Variants in ADNP observed in about 807,000 individuals in gnomAD.
ADNP encodes activity-dependent neuroprotector homeobox protein.
In ADNP, 4 loss-of-function variants were observed where a neutral mutation model predicts 84.9. The ratio of observed to expected loss-of-function variants is 0.05; its 90% CI spans 0.02 to 0.11. The LOEUF (loss-of-function observed/expected upper bound fraction) is 0.11. ADNP is among the 10% of genes least tolerant of loss of function. ADNP has a pLI of 1.00. For synonymous variants in ADNP, 554 were observed against 468.1 expected, an observed-to-expected ratio of 1.18 and a Z score of -2.37; for missense variants, 1,132 against 1,326.0, an observed-to-expected ratio of 0.85 and a Z score of 2.27.
At chr20:50,917,107 C>A (rs1372171137) in intron 2 of ADNP, among the ~76,000 whole-genome samples, 1 of 152,194 alleles carries the variant, frequency 6.6e-6, no homozygotes, top group Non-Finnish European at 1.5e-5. Context: ...ACCCTCCAGA[C>A]CTGAGATGCA....
intron 5 of ADNP, 72 bp from the exon 6 acceptor site, chr20:50,894,584 CG>C: frequency 6.8e-7 from 1 of 1,473,794 alleles, no homozygotes; most frequent in Non-Finnish European, 9.1e-7. Flanking sequence ...AGATCCCCCC[CG>C]GATATTCTTA....
intron 5 of ADNP, among the ~76,000 whole-genome samples, chr20:50,897,837 T>A (rs995700096): frequency 6.6e-6 from 1 of 152,210 alleles, no homozygotes; most frequent in Non-Finnish European, 1.5e-5. Flanking sequence ...ATTCTCTCAA[T>A]ACTACTTCTC....
rs1409313764 is a variant in ADNP, at chr20:50,920,368, G to A, written c.-90+8283C>T. ...GGCCAAGGCAGACAGATCACTTGAG[G>A]TCAGGAGTTTGAGACAAGCCTGACC... On this transcript the variant is annotated intron_variant, in intron 2 of 5. Transcript: ENST00000621696. 2.0e-5 allele frequency among the ~76,000 whole-genome samples: 3 copies of A among 151,484 alleles called. No homozygotes were observed. The East Asian group carries it at 5.8e-4, about 29-fold the overall frequency.
intron 5 of ADNP, among the ~76,000 whole-genome samples, chr20:50,894,987 A>AT (rs1347224612): frequency 6.6e-6 from 1 of 152,202 alleles, no homozygotes; most frequent in East Asian, 1.9e-4. Context: ...TAAACCAAAT[A>AT]TTTTTGTCAG....
In ADNP at chr20:50,892,122, T is replaced by C; in HGVS notation, c.2592A>G (p.Lys864=). ...SRVNASKTAD[K]KLNLGKEDDS... ...CATCTTCCTTCCCAAGGTTGAGCTT[T>C]TTGTCAGCAGTCTTACTAGCATTGA... The change falls in exon 6 of 6, where the codon AAA becomes AAG. Residue 864 remains lysine, a synonymous_variant. Transcript: ENST00000621696. 6.2e-7 allele frequency: 1 copy of C among 1,614,180 alleles called. No individual in the cohort carries two copies. The highest frequency in any genetic ancestry group is 8.5e-7 in the Non-Finnish European group (1 of 1,180,034).
chr20:50,919,942 G>T (rs562128007), intron 2 of ADNP, among the ~76,000 whole-genome samples: 3 of 152,226 alleles, frequency 2.0e-5, no homozygotes, highest in South Asian at 4.2e-4. Context: ...GATGCTGCAG[G>T]TAACGAAGTA....
chr20:50,892,601 G>T lies in ADNP; in HGVS notation c.2113C>A (p.Arg705=). 1 of 1,614,230 alleles carries T rather than the reference G, an allele frequency of 6.2e-7. No individual in the cohort carries two copies. The highest frequency in any genetic ancestry group is 8.5e-7 in the Non-Finnish European group (1 of 1,180,048). Reference sequence around the variant, plus strand: ...GCCAGACTTGGAGACTGATTAAGCCGAGAGGGTGCATTTGTCTTATCCTGG... The same window carrying T: ...GCCAGACTTGGAGACTGATTAAGCCTAGAGGGTGCATTTGTCTTATCCTGG... ...NGQDKTNAPS[R]LNQSPSLAPV... The change falls in exon 6 of 6, where the codon CGG becomes AGG. Residue 705 remains arginine, a synonymous_variant. Transcript: ENST00000621696.
At chr20:50,908,299 C>G (rs1982692952) in intron 2 of ADNP, among the ~76,000 whole-genome samples, 1 of 152,152 alleles carries the variant, frequency 6.6e-6, no homozygotes, top group Non-Finnish European at 1.5e-5. Flanking sequence ...GTTACCCTTT[C>G]TTGTGAGTGT....
intron 2 of ADNP, among the ~76,000 whole-genome samples, chr20:50,915,822 TAAGA>T (rs1475856412): frequency 7.2e-5 from 11 of 152,158 alleles, no homozygotes; most frequent in Non-Finnish European, 1.2e-4. Flanking sequence ...ACCAGGAAGA[TAAGA>T]AAGAAAACTA....
chr20:50,897,044 C>A (rs1288144288), intron 5 of ADNP, among the ~76,000 whole-genome samples: 10 of 152,176 alleles, frequency 6.6e-5, no homozygotes, highest in African/African-American at 2.2e-4. Context: ...CGGGTTCAAG[C>A]GATTCTCCTG....
intron 2 of ADNP, among the ~76,000 whole-genome samples, chr20:50,919,542 A>T (rs1020924051): frequency 2.0e-5 from 3 of 152,128 alleles, no homozygotes; most frequent in Non-Finnish European, 4.4e-5. Flanking sequence ...AGAATGAATG[A>T]ATCTCTGCCT....
chr20:50,894,858 T>C (rs901772522), intron 5 of ADNP, among the ~76,000 whole-genome samples: 16 of 152,104 alleles, frequency 1.1e-4, no homozygotes, highest in African/African-American at 2.9e-4. Flanking sequence ...AGATCGGCCA[T>C]TGCACTCCAG....
chr20:50,930,289 T>C (rs1348227883), intron 1 of ADNP, among the ~76,000 whole-genome samples: 1 of 151,722 alleles, frequency 6.6e-6, no homozygotes, highest in East Asian at 2.0e-4. Flanking sequence ...AGCTGGCAGG[T>C]TGGGGAAGAA....
chr20:50,894,880 A>T (rs1237322408), intron 5 of ADNP, among the ~76,000 whole-genome samples: 4 of 152,194 alleles, frequency 2.6e-5, no homozygotes, highest in Non-Finnish European at 5.9e-5. Flanking sequence ...CTGGGCGACA[A>T]GAGCGAAACT....
intron 2 of ADNP, among the ~76,000 whole-genome samples, chr20:50,917,848 C>T (rs1302537938): frequency 6.6e-6 from 1 of 152,096 alleles, no homozygotes; most frequent in Non-Finnish European, 1.5e-5. Flanking sequence ...GTGGTCATAT[C>T]CACATAATGG....
intron 2 of ADNP, among the ~76,000 whole-genome samples, chr20:50,922,387 C>T (rs915428268): frequency 2.0e-5 from 3 of 152,154 alleles, no homozygotes; most frequent in Non-Finnish European, 2.9e-5. Context: ...TCCCAAGACC[C>T]CCTCCTTGAG....
intron 2 of ADNP, among the ~76,000 whole-genome samples, chr20:50,911,148 T>C (rs1982990193): frequency 6.6e-6 from 1 of 152,250 alleles, no homozygotes. Flanking sequence ...AAGATTCATC[T>C]AGGCCCTAGG....
In ADNP at chr20:50,891,090, C is replaced by A; in HGVS notation, c.*315G>T. On this transcript the variant is annotated 3_prime_UTR_variant, in exon 6 of 6. Transcript: ENST00000621696. ...TTAACACTTCTCAAAGACATCTGAC[C>A]AATCATTTCACAGAGGGAAAGAAAT... 8.8e-7 allele frequency: 1 copy of A among 1,137,922 alleles called. No individual in the cohort carries two copies. 70.5% of individuals were successfully genotyped at this position (1,137,922 alleles called of 1,614,324 possible). A position where few individuals can be genotyped will look rare whatever the true frequency, so the allele number is the denominator to read the frequency against.
intron 2 of ADNP, among the ~76,000 whole-genome samples, chr20:50,915,520 A>C (rs1983442413): frequency 6.6e-6 from 1 of 152,206 alleles, no homozygotes; most frequent in Non-Finnish European, 1.5e-5. Flanking sequence ...CGCCCTGAAC[A>C]GAGGTAGCTG....
Sources: gnomAD v4.1 joint callset for allele counts (sites outside exome capture counted in the v4.1 genomes callset) on GRCh38, gnomAD v4.1.1 for gene constraint, MANE v1.5 for transcripts, NCBI Gene and HGNC (gene_info 2026-07-23, HGNC 2026-07-21) for gene names.